BEND4: variants seen among roughly 807,000 people sequenced by gnomAD.
BEND4 encodes the protein BEN domain-containing protein 4.
A neutral mutation model predicts 54.7 loss-of-function variants in BEND4; 27 were observed. The observed-to-expected ratio is 0.49, with a 90% CI of 0.36 to 0.68. The LOEUF (loss-of-function observed/expected upper bound fraction) is 0.68. BEND4 is among the 30% of genes least tolerant of loss of function. The pLI is 0.00. For synonymous variants in BEND4, 327 were observed against 299.5 expected (o/e 1.09, Z -0.95); for missense variants, 702 against 697.2 (o/e 1.01, Z -0.08).
intron 3 of BEND4, among the ~76,000 whole-genome samples, chr4:42,142,920 AG>A (rs1442404914): frequency 6.6e-6 from 1 of 152,210 alleles, no homozygotes; most frequent in Non-Finnish European, 1.5e-5. Context: ...GAAATAGAAG[AG>A]ACCATTTCAT....
intron 4 of BEND4, among the ~76,000 whole-genome samples, chr4:42,122,864 G>A (rs1053913586): frequency 3.3e-5 from 5 of 152,274 alleles, no homozygotes; most frequent in South Asian, 2.1e-4. Context: ...TCAAAGGGAC[G>A]GGGCTGCGGA....
In BEND4 at chr4:42,117,281, A is replaced by G. The variant is rs1719875156; in HGVS notation, c.*237T>C. ...CACCCTCATGATCTAGCTAGTAATCATTTAAAAATCAGATGTAGTTTTTTC... is the reference window on the plus strand; with the variant it reads ...CACCCTCATGATCTAGCTAGTAATCGTTTAAAAATCAGATGTAGTTTTTTC... On this transcript the variant is annotated 3_prime_UTR_variant, in exon 6 of 6. Coordinates refer to ENST00000502486, the MANE Select transcript of BEND4 (RefSeq NM_207406.4). The G allele has an allele frequency of 2.4e-6, 1 of 422,006 alleles. No individual in the cohort carries two copies. The highest frequency in any genetic ancestry group is 2.1e-5 in the African/African-American group (1 of 48,704). The allele number at this position is 422,006 out of a possible 1,614,324, so 26.1% of individuals were successfully genotyped here.
chr4:42,115,167 G>A lies in BEND4; in HGVS notation c.*2351C>T, dbSNP rs190659995. On this transcript the variant is annotated 3_prime_UTR_variant, in exon 6 of 6. Coordinates refer to ENST00000502486, the MANE Select transcript of BEND4 (RefSeq NM_207406.4). ...TCAACATTCAGAATCTGTGGATGGA[G>A]AAACAGCTGATAGAGAAATGATTAA... 3.5e-4 allele frequency: 54 copies of A among 152,380 alleles called. No individual in the cohort carries two copies. The highest frequency in any genetic ancestry group is 1.2e-3 in the African/African-American group (50 of 41,574). The allele number at this position is 152,380 out of a possible 1,614,324, so 9.4% of individuals were successfully genotyped here.
At chr4:42,119,748 T>C (rs565746712) in intron 5 of BEND4, among the ~76,000 whole-genome samples, 23 of 152,216 alleles carry the variant, frequency 1.5e-4, no homozygotes, top group Non-Finnish European at 3.2e-4. Flanking sequence ...CTTCTGTGTG[T>C]TCCCCTATGC....
intron 4 of BEND4, among the ~76,000 whole-genome samples, chr4:42,121,318 C>T (rs1560575251): frequency 2.0e-5 from 3 of 152,164 alleles, no homozygotes; most frequent in South Asian, 2.1e-4. Context: ...CAGCCCGATG[C>T]GGCTAGGAAA....
chr4:42,126,279 T>C (rs2153145348), intron 3 of BEND4, among the ~76,000 whole-genome samples: 1 of 152,328 alleles, frequency 6.6e-6, no homozygotes, highest in South Asian at 2.1e-4. Context: ...AGACATGTCT[T>C]GACTTATTTG....
At position 42,151,823 on chromosome 4, in the gene BEND4, G is replaced by T; in HGVS notation, c.321C>A (p.Ala107=). The change falls in exon 2 of 6, where the codon GCC becomes GCA. Residue 107 remains alanine, a synonymous_variant. Transcript: ENST00000502486. ...ASSSSPSCTP[A]TSQGHLRTPA... ...GAGTCCTCAAGTGGCCCTGGGATGT[G>T]GCGGGCGTGCAGGACGGCGACGACG... 7.1e-7 allele frequency: 1 copy of T among 1,417,944 alleles called. No homozygotes were observed. The highest frequency in any genetic ancestry group is 1.5e-5 in the South Asian group (1 of 66,474). The allele number at this position is 1,417,944 out of a possible 1,614,324, so 87.8% of individuals were successfully genotyped here. A position where few individuals can be genotyped will look rare whatever the true frequency, so the allele number is the denominator to read the frequency against.
chr4:42,133,671 T>C (rs1340259372), intron 3 of BEND4, among the ~76,000 whole-genome samples: 1 of 152,034 alleles, frequency 6.6e-6, no homozygotes, highest in Non-Finnish European at 1.5e-5. Flanking sequence ...TGGGCTAACA[T>C]GGTGAAACCC....
At chr4:42,145,221 A>G (rs1254938663) in intron 2 of BEND4, among the ~76,000 whole-genome samples, 2 of 152,206 alleles carry the variant, frequency 1.3e-5, no homozygotes, top group African/African-American at 2.4e-5. Flanking sequence ...AACAGCTTCA[A>G]TAAGAAATCC....
intron 2 of BEND4, among the ~76,000 whole-genome samples, chr4:42,148,768 T>C (rs1432294275): frequency 6.6e-6 from 1 of 152,234 alleles, no homozygotes; most frequent in Non-Finnish European, 1.5e-5. Flanking sequence ...TAATTCATTT[T>C]TGATTGTACT....
chr4:42,142,852 T>C (rs1304137862), intron 3 of BEND4, among the ~76,000 whole-genome samples: 7 of 152,164 alleles, frequency 4.6e-5, no homozygotes, highest in Non-Finnish European at 4.4e-5. Context: ...TAGGACAGTG[T>C]ATATGCTAAA....
intron 5 of BEND4, among the ~76,000 whole-genome samples, chr4:42,118,791 C>G (rs1719947474): frequency 6.6e-6 from 1 of 152,224 alleles, no homozygotes; most frequent in Non-Finnish European, 1.5e-5. Context: ...GTAACTCCAT[C>G]ATCTCTGATG....
At position 42,143,045 on chromosome 4, in the gene BEND4, G is replaced by A. The variant is rs144049227; in HGVS notation, c.1054+383C>T. On this transcript the variant is annotated intron_variant, in intron 3 of 5. Coordinates refer to ENST00000502486, the MANE Select transcript of BEND4 (RefSeq NM_207406.4). ...TAAAAATTCAAAACCCATTTTAAAG[G>A]AAGAGGACCACCTTTTAAGAAAACA... Among the ~76,000 whole-genome samples, 13 of 152,296 alleles carry A rather than the reference G, an allele frequency of 8.5e-5. No homozygotes were observed. The East Asian group carries it at 1.2e-3, about 14-fold the overall frequency.
chr4:42,136,807 C>T (rs767415223), intron 3 of BEND4, among the ~76,000 whole-genome samples: 3 of 152,172 alleles, frequency 2.0e-5, no homozygotes, highest in Non-Finnish European at 4.4e-5. Context: ...ATGTTAGATA[C>T]GCCTCATTCG....
intron 3 of BEND4, among the ~76,000 whole-genome samples, chr4:42,132,738 C>A (rs1245479869): frequency 1.3e-5 from 2 of 152,160 alleles, no homozygotes; most frequent in Non-Finnish European, 2.9e-5. Context: ...AGCCACCGCA[C>A]CCAGCCTAAA....
chr4:42,120,293 C>T lies in BEND4; in HGVS notation c.1148G>A (p.Gly383Glu), dbSNP rs748648943. 8 of 1,592,106 alleles carry T rather than the reference C, an allele frequency of 5.0e-6. No individual in the cohort carries two copies. In the African/African-American group the frequency reaches 1.1e-4, roughly 21 times the overall value. Residue 383 changes from glycine (G) to glutamate (E), a missense_variant and splice_region_variant, in exon 5 of 6, where the codon GGA becomes GAA. Transcript: ENST00000502486. ...ATAGTTGTTCAACAGCTGCTTGCTTCCCTGGAAAAGCGAAATATTTTCTCA... is the reference window on the plus strand; with the variant it reads ...ATAGTTGTTCAACAGCTGCTTGCTTTCCTGGAAAAGCGAAATATTTTCTCA... ...IPQPADQPTE[G>E]SKQLLNNYPV... is the part of the protein sequence containing the mutation.
intron 3 of BEND4, among the ~76,000 whole-genome samples, chr4:42,130,474 C>T (rs1204923867): frequency 5.7e-5 from 7 of 122,640 alleles, no homozygotes; most frequent in African/African-American, 1.7e-4. Flanking sequence ...AGCAAGAGTC[C>T]GTCTCAAAAA....
chr4:42,137,051 G>C (rs1237659748), intron 3 of BEND4, among the ~76,000 whole-genome samples: 1 of 152,140 alleles, frequency 6.6e-6, no homozygotes, highest in Non-Finnish European at 1.5e-5. Context: ...AGAATCAGCT[G>C]TTTTGAGGGT....
intron 4 of BEND4, among the ~76,000 whole-genome samples, chr4:42,124,725 A>G (rs1720207946): frequency 1.3e-5 from 2 of 152,226 alleles, no homozygotes; most frequent in Non-Finnish European, 1.5e-5. Flanking sequence ...CAGCTTTTCA[A>G]ATGTTTAATC....
Sources: gnomAD v4.1 joint callset for allele counts (sites outside exome capture counted in the v4.1 genomes callset) on GRCh38, gnomAD v4.1.1 for gene constraint, MANE v1.5 for transcripts, NCBI Gene and HGNC (gene_info 2026-07-23, HGNC 2026-07-21) for gene names.